HTR2A: variants seen among roughly 807,000 people sequenced by gnomAD.
The protein encoded by HTR2A is 5-hydroxytryptamine receptor 2A, also known as 5-HT2 receptor.
Under a neutral mutation model 31.0 loss-of-function variants are expected in HTR2A, and 14 were observed. The ratio of observed to expected loss-of-function variants is 0.45; its 90% CI spans 0.30 to 0.71. HTR2A has a LOEUF of 0.71. HTR2A is among the 30% of genes least tolerant of loss of function. The pLI, the probability that HTR2A is intolerant of heterozygous loss-of-function variation, is 0.09. For missense variants in HTR2A, 442 were observed against 573.3 expected, an observed-to-expected ratio of 0.77 and a Z score of 2.34; for synonymous variants, 209 against 225.2, an observed-to-expected ratio of 0.93 and a Z score of 0.64.
Position 46,895,989 on chromosome 13 carries a change from C to T in HTR2A, c.-83G>A. ...TGCTCACCATTCACCTTGATGTACCCACACTCTGTAACACTGAGGCTGGTG... is the reference window on the plus strand; with the variant it reads ...TGCTCACCATTCACCTTGATGTACCTACACTCTGTAACACTGAGGCTGGTG... On this transcript the variant is annotated 5_prime_UTR_variant, in exon 2 of 4. The change creates a premature stop within an existing upstream ORF in the 5' untranslated region. Coordinates refer to ENST00000542664, the MANE Select transcript of HTR2A (RefSeq NM_000621.5). This position sits in a 1 kb window ranked among gnomAD's most constrained non-coding sequence, Gnocchi z 4.4. The T allele has an allele frequency of 6.6e-7, 1 of 1,518,814 alleles. No homozygotes were observed. The highest frequency in any genetic ancestry group is 8.8e-7 in the Non-Finnish European group (1 of 1,140,272). 94.1% of individuals were successfully genotyped at this position (1,518,814 alleles called of 1,614,324 possible).
rs1015231606 is a variant in HTR2A, at chr13:46,833,019, T to G, written c.*1818A>C. ...AATATTATAATATCTGCTTTTCTAT[T>G]AGGGAGCCCAGTGTCAATGAGTAAT... On this transcript the variant is annotated 3_prime_UTR_variant, in exon 4 of 4. Coordinates refer to ENST00000542664, the MANE Select transcript of HTR2A (RefSeq NM_000621.5). 6.6e-6 allele frequency: 1 copy of G among 152,176 alleles called. No homozygotes were observed. Among genetic ancestry groups the G allele is most frequent in the Non-Finnish European group, 1.5e-5 (1 of 68,030 alleles). The allele number at this position is 152,176 out of a possible 1,614,324, so 9.4% of individuals were successfully genotyped here.
At chr13:46,850,283 A>G (rs1280344961) in intron 3 of HTR2A, among the ~76,000 whole-genome samples, 1 of 152,190 alleles carries the variant, frequency 6.6e-6, no homozygotes, top group East Asian at 1.9e-4. Context: ...ACAATCAAAT[A>G]CTTACATGGT....
intron 3 of HTR2A, among the ~76,000 whole-genome samples, chr13:46,870,500 G>A (rs1950855830): frequency 6.6e-6 from 1 of 152,162 alleles, no homozygotes. Context: ...AAGATACATT[G>A]TATGTGGCAG....
chr13:46,892,627 G>C, intron 2 of HTR2A, 37 bp from the exon 3 acceptor site: 2 of 1,568,672 alleles, frequency 1.3e-6, no homozygotes, highest in Non-Finnish European at 1.8e-6. Flanking sequence ...GAGCAACCCT[G>C]TGCCTCCTGG....
chr13:46,835,551 A>G lies in HTR2A; in HGVS notation c.702T>C (p.Phe234=), dbSNP rs2138337479. The stretch of plus-strand genomic sequence containing the variant: ...ATGACACAAAAGAGCCGATCAGGAC[A>G]AAGTTATCATCGGCGAGTAAGCAAC... ...EGSCLLADDN[F]VLIGSFVSFF... Residue 234 remains phenylalanine, a synonymous_variant, in exon 4 of 4, where the codon TTT becomes TTC. Transcript: ENST00000542664. 6.2e-7 allele frequency: 1 copy of G among 1,614,056 alleles called. No individual in the cohort carries two copies. Among genetic ancestry groups the G allele is most frequent in the African/African-American group, 1.3e-5 (1 of 75,042 alleles).
At chr13:46,840,428 CT>C (rs1950589350) in intron 3 of HTR2A, among the ~76,000 whole-genome samples, 1 of 152,144 alleles carries the variant, frequency 6.6e-6, no homozygotes, top group Admixed American at 6.5e-5. Flanking sequence ...CCAAATAGCT[CT>C]GATAATAAAT....
At chr13:46,880,044 T>C (rs926718520) in intron 3 of HTR2A, among the ~76,000 whole-genome samples, 1 of 152,048 alleles carries the variant, frequency 6.6e-6, no homozygotes, top group African/African-American at 2.4e-5. Context: ...AAAGGACTGA[T>C]AGCAATGAAC....
intron 3 of HTR2A, among the ~76,000 whole-genome samples, chr13:46,869,528 AAGTTAAAG>A (rs898806396): frequency 1.3e-5 from 2 of 152,130 alleles, no homozygotes; most frequent in African/African-American, 4.8e-5. Context: ...GTTCATCAAA[AAGTTAAAG>A]ATAGAACTAT....
chr13:46,858,831 G>T (rs1950758556), intron 3 of HTR2A, among the ~76,000 whole-genome samples: 1 of 152,258 alleles, frequency 6.6e-6, no homozygotes, highest in South Asian at 2.1e-4. Context: ...GGACCATTTG[G>T]TGAGATGGGC....
At chr13:46,871,521 ACAAG>A (rs1389186644) in intron 3 of HTR2A, among the ~76,000 whole-genome samples, 1 of 152,188 alleles carries the variant, frequency 6.6e-6, no homozygotes, top group Non-Finnish European at 1.5e-5. Flanking sequence ...AAGAAAATAA[ACAAG>A]CAATTCAGAA....
At chr13:46,889,586 C>T (rs1951034560) in intron 3 of HTR2A, among the ~76,000 whole-genome samples, 1 of 152,132 alleles carries the variant, frequency 6.6e-6, no homozygotes, top group Admixed American at 6.5e-5. Context: ...GACAGTATTA[C>T]ATTTAGAAAT....
intron 3 of HTR2A, among the ~76,000 whole-genome samples, chr13:46,890,925 G>C (rs1951047567): frequency 6.6e-6 from 1 of 152,132 alleles, no homozygotes; most frequent in Admixed American, 6.5e-5. Context: ...GGCATTTTAT[G>C]TGTAATTGGG....
Position 46,835,417 on chromosome 13 carries a change from G to A in HTR2A, c.836C>T (p.Ala279Val). Residue 279 changes from alanine (A) to valine (V), a missense_variant, in exon 4 of 4, where the codon GCT becomes GTT. Coordinates refer to ENST00000542664, the MANE Select transcript of HTR2A (RefSeq NM_000621.5). The stretch of plus-strand genomic sequence containing the variant: ...ACTCTGAGGGAGGAAGCTGAAAGAA[G>A]CTAATTTGGCCCGTGTGCCAAGATC... ...VSDLGTRAKLASFSFLPQSSL... is the reference protein window; with the variant it reads ...VSDLGTRAKLVSFSFLPQSSL... 1 of 1,614,120 alleles carries A rather than the reference G, an allele frequency of 6.2e-7. No individual in the cohort carries two copies. The highest frequency in any genetic ancestry group is 8.5e-7 in the Non-Finnish European group (1 of 1,179,996).
At chr13:46,888,651 C>G (rs1951028092) in intron 3 of HTR2A, among the ~76,000 whole-genome samples, 1 of 152,046 alleles carries the variant, frequency 6.6e-6, no homozygotes, top group African/African-American at 2.4e-5. Context: ...AAGCAATAAA[C>G]AGCAACAGGG....
chr13:46,886,185 A>T (rs552485007), intron 3 of HTR2A, among the ~76,000 whole-genome samples: 92 of 152,272 alleles, frequency 6.0e-4, no homozygotes, highest in African/African-American at 2.1e-3. Flanking sequence ...ACTCAGGGTA[A>T]TGAGGAAATA....
At chr13:46,897,766 A>G (rs538869347), upstream of HTR2A, among the ~76,000 whole-genome samples, 2 of 152,232 alleles carry the variant, frequency 1.3e-5, no homozygotes, top group Admixed American at 6.5e-5. Flanking sequence ...GACAAATTCA[A>G]CCACTCTCAT....
intron 3 of HTR2A, among the ~76,000 whole-genome samples, chr13:46,885,041 A>G (rs1950995774): frequency 6.6e-6 from 1 of 152,152 alleles, no homozygotes. Flanking sequence ...ACTAAACTTG[A>G]TATAGACTGT....
chr13:46,892,211 C>G (rs1480664304), intron 3 of HTR2A, among the ~76,000 whole-genome samples, 179 bp downstream of exon 3: 1 of 152,232 alleles, frequency 6.6e-6, no homozygotes, highest in Non-Finnish European at 1.5e-5. Flanking sequence ...CAGCCAGTGA[C>G]ATAAACAGAT....
chr13:46,857,131 C>G (rs1230739082), intron 3 of HTR2A, among the ~76,000 whole-genome samples: 1 of 151,916 alleles, frequency 6.6e-6, no homozygotes, highest in African/African-American at 2.4e-5. Flanking sequence ...GAAATCCTGT[C>G]TCTACTAAAA....
Sources: allele counts gnomAD v4.1 joint callset (sites outside exome capture counted in the v4.1 genomes callset), GRCh38; gene constraint gnomAD v4.1.1; non-coding constraint Gnocchi (gnomAD v3.1); transcripts MANE v1.5; gene names NCBI Gene and HGNC (gene_info 2026-07-23, HGNC 2026-07-21).